GRK7: variants seen among roughly 807,000 people sequenced by gnomAD.
GRK7 encodes the protein rhodopsin kinase GRK7.
In GRK7, 24 loss-of-function variants were observed where a neutral mutation model predicts 34.1. The ratio of observed to expected loss-of-function variants is 0.70; its 90% confidence interval spans 0.51 to 0.99. The LOEUF (loss-of-function observed/expected upper bound fraction) is 0.99, where lower values mean the gene tolerates loss of function less well. Ranked by LOEUF, GRK7 falls within the 50% of genes least tolerant of loss-of-function variation. The pLI is 0.00. For missense variants in GRK7, 644 were observed against 707.3 expected, an observed-to-expected ratio of 0.91 and a Z score of 1.02; for synonymous variants, 256 against 279.4, an observed-to-expected ratio of 0.92 and a Z score of 0.84.
chr3:141,785,743 G>A (rs1193043653), intron 4 of GRK7, among the ~76,000 whole-genome samples: 1 of 149,302 alleles, frequency 6.7e-6, no homozygotes, highest in East Asian at 2.0e-4. Context: ...CAGCCTGGAT[G>A]AAAGAGAAAG....
intron 5 of GRK7, among the ~76,000 whole-genome samples, chr3:141,808,342 C>A (rs1323195235): frequency 6.6e-6 from 1 of 152,116 alleles, no homozygotes; most frequent in African/African-American, 2.4e-5. Flanking sequence ...GTATTAAAAT[C>A]ACATGCAGCC....
chr3:141,777,072 C>T (rs926269217), intron 2 of GRK7, among the ~76,000 whole-genome samples: 1 of 152,096 alleles, frequency 6.6e-6, no homozygotes, highest in Non-Finnish European at 1.5e-5. Context: ...GTTGAGGGGC[C>T]ACGTCTGAAA....
the GRK7 span, among the ~76,000 whole-genome samples, chr3:141,752,561 A>T: frequency 6.6e-6 from 1 of 152,224 alleles, no homozygotes; most frequent in Non-Finnish European, 1.5e-5. Context: ...CCCTACTAGA[A>T]ATTTGCTAAA....
chr3:141,813,896 G>A (rs1039223674), intron 5 of GRK7, among the ~76,000 whole-genome samples: 2 of 152,220 alleles, frequency 1.3e-5, no homozygotes, highest in Non-Finnish European at 2.9e-5. Context: ...TGTACTGGTT[G>A]AATGTAATAA....
Position 141,765,396 on chromosome 3 carries a change from C to G in GRK7, c.-557C>G, listed in dbSNP as rs1466127909. 6.6e-6 allele frequency among the ~76,000 whole-genome samples: 1 copy of G among 152,066 alleles called. No individual in the cohort carries two copies. On this transcript the variant is annotated 5_prime_UTR_variant, in exon 1 of 6. Coordinates refer to ENST00000682958, the MANE Select transcript of GRK7 (RefSeq NM_139209.3). ...TCTCCCTGGTGTATCTCAGCACTTC[C>G]CTTCTCCTTCCCTGCTTGATTTTTC... is the stretch of plus-strand genomic sequence containing the variant.
At chr3:141,808,434 G>T (rs1479515819) in intron 5 of GRK7, among the ~76,000 whole-genome samples, 5 of 152,182 alleles carry the variant, frequency 3.3e-5, no homozygotes, top group Non-Finnish European at 5.9e-5. Flanking sequence ...AAAGTAGAAG[G>T]CCGGGCAGGG....
At chr3:141,770,648 A>G (rs759175537) in intron 1 of GRK7, among the ~76,000 whole-genome samples, 1 of 152,204 alleles carries the variant, frequency 6.6e-6, no homozygotes, top group Non-Finnish European at 1.5e-5. Flanking sequence ...CAACAAGCAT[A>G]TAAAAAATAC....
chr3:141,796,653 G>A (rs1287732188), intron 4 of GRK7, among the ~76,000 whole-genome samples: 1 of 152,188 alleles, frequency 6.6e-6, no homozygotes, highest in African/African-American at 2.4e-5. Flanking sequence ...TCACAGCTGT[G>A]TGGGGTTTCA....
intron 4 of GRK7, among the ~76,000 whole-genome samples, chr3:141,792,594 A>G (rs1435602700): frequency 6.6e-6 from 1 of 152,166 alleles, no homozygotes; most frequent in Admixed American, 6.5e-5. Context: ...TCACTCAGCA[A>G]AGAGGTTCCG....
At chr3:141,812,669 A>T (rs1199916116) in intron 5 of GRK7, among the ~76,000 whole-genome samples, 1 of 152,140 alleles carries the variant, frequency 6.6e-6, no homozygotes, top group Admixed American at 6.5e-5. Context: ...TTAGTTGCAA[A>T]AGGGCTGCAG....
the GRK7 span, among the ~76,000 whole-genome samples, chr3:141,756,665 AT>A: frequency 6.6e-6 from 1 of 152,094 alleles, no homozygotes; most frequent in African/African-American, 2.4e-5. Flanking sequence ...TAAAACCTGA[AT>A]TTTTTTTAAA....
intron 3 of GRK7, 107 bp downstream of exon 3, chr3:141,779,003 A>G: frequency 9.2e-7 from 1 of 1,089,578 alleles, no homozygotes; most frequent in Non-Finnish European, 1.3e-6. Context: ...TAATTTCAGC[A>G]CCATATGTGG....
intron 3 of GRK7, 122 bp downstream of exon 3, chr3:141,779,018 T>C: frequency 2.1e-6 from 2 of 960,692 alleles, no homozygotes; most frequent in Non-Finnish European, 3.1e-6. Context: ...ATGTGGAGGA[T>C]TTCTAGCCCC....
intron 5 of GRK7, among the ~76,000 whole-genome samples, chr3:141,812,308 C>A (rs1451770636): frequency 6.6e-6 from 1 of 152,248 alleles, no homozygotes; most frequent in African/African-American, 2.4e-5. Context: ...GCAACAGCCT[C>A]TCCTATTTGT....
intron 1 of GRK7, among the ~76,000 whole-genome samples, chr3:141,771,815 G>A (rs1343550917): frequency 2.7e-5 from 4 of 149,778 alleles, no homozygotes; most frequent in African/African-American, 7.4e-5. Flanking sequence ...CTCCCAAGTA[G>A]CTGGGATTAC....
At chr3:141,800,289 T>C (rs1258681456) in intron 4 of GRK7, among the ~76,000 whole-genome samples, 1 of 151,178 alleles carries the variant, frequency 6.6e-6, no homozygotes, top group Non-Finnish European at 1.5e-5. Flanking sequence ...CTCTTGTCAG[T>C]TGATAAGCTG....
At chr3:141,777,342 T>TTTTTTTTTTTTC (rs1577912931) in intron 2 of GRK7, among the ~76,000 whole-genome samples, 1 of 123,882 alleles carries the variant, frequency 8.1e-6, no homozygotes, top group Non-Finnish European at 1.7e-5. Flanking sequence ...TTTTTTTTTT[T>TTTTTTTTTTTTC]GAGACGGAGT....
At chr3:141,757,350 G>T in the GRK7 span, among the ~76,000 whole-genome samples, 1 of 136,336 alleles carries the variant, frequency 7.3e-6, no homozygotes, top group African/African-American at 2.8e-5. Context: ...TCCCCTTCAT[G>T]TGTCCATGTG....
rs1301428261 is a variant in GRK7, at chr3:141,805,163, GC to G, written c.1051-2481del. Among the ~76,000 whole-genome samples the G allele has an allele frequency of 2.0e-5, 3 of 152,000 alleles. No homozygotes were observed. The East Asian group carries it at 5.8e-4, about 29-fold the overall frequency. On this transcript the variant is annotated intron_variant, in intron 4 of 5. Coordinates refer to ENST00000682958, the MANE Select transcript of GRK7 (RefSeq NM_139209.3). ...ACACACTGACCCCGTGGGCCCCCCT[GC>G]GCGTGCTCCACACTCTATTGAATCA...
Sources: allele counts gnomAD v4.1 joint callset (sites outside exome capture counted in the v4.1 genomes callset), GRCh38; gene constraint gnomAD v4.1.1; transcripts MANE v1.5; gene names NCBI Gene and HGNC (gene_info 2026-07-23, HGNC 2026-07-21).